IAH1: variants seen among roughly 807,000 people sequenced by gnomAD.
The protein encoded by IAH1 is isoamyl acetate hydrolyzing esterase 1 (putative), also known as isoamyl acetate-hydrolyzing esterase 1 homolog.
In IAH1, 24 loss-of-function variants were observed where a neutral mutation model predicts 26.7. That is an observed-to-expected ratio of 0.90 (90% CI 0.65 to 1.26). IAH1 has a LOEUF of 1.26. Among genes scored for constraint, IAH1 ranks in the 50% most tolerant of loss-of-function variants. IAH1 has a pLI of 0.00. For missense variants in IAH1, 300 were observed against 299.9 expected (o/e 1.00, Z 0.00); for synonymous variants, 140 against 118.5 (o/e 1.18, Z -1.18).
chr2:9,509,927 T>A, the IAH1 span: 1 of 1,601,706 alleles, frequency 6.2e-7, no homozygotes, highest in Non-Finnish European at 8.5e-7. Context: ...ATTATGATCA[T>A]TATACACAGC....
chr2:9,484,578 G>A lies in IAH1; in HGVS notation c.564+28G>A, dbSNP rs563022275. On this transcript the variant is annotated intron_variant, in intron 5 of 5. Transcript: ENST00000497473. Reference sequence around the variant, plus strand: ...ACGGTGGCTTGCTCGGTCCTCTCGGGGTAAATAGGATCACACAGAAGTAAA... The same window carrying A: ...ACGGTGGCTTGCTCGGTCCTCTCGGAGTAAATAGGATCACACAGAAGTAAA... 194 of 1,461,604 alleles carry A rather than the reference G, an allele frequency of 1.3e-4. 2 individuals carry two copies. In the South Asian group the frequency reaches 2.1e-3, roughly 16 times the overall value. The allele number at this position is 1,461,604 out of a possible 1,614,324, so 90.5% of individuals were successfully genotyped here. A position where few individuals can be genotyped will look rare whatever the true frequency, so the allele number is the denominator to read the frequency against.
chr2:9,481,502 ACT>A, intron 4 of IAH1, 55 bp downstream of exon 4: 1 of 1,568,364 alleles, frequency 6.4e-7, no homozygotes, highest in Non-Finnish European at 8.7e-7. Flanking sequence ...TGAGGGAGGA[ACT>A]CTGATAGGAC....
chr2:9,478,142 A>G, intron 2 of IAH1, 80 bp from the exon 3 acceptor site: 19 of 1,303,498 alleles, frequency 1.5e-5, no homozygotes, highest in Non-Finnish European at 2.0e-5. Context: ...CCCAGAGAGC[A>G]CACCCTCACT....
At chr2:9,511,255 C>G in the IAH1 span, among the ~76,000 whole-genome samples, 3 of 152,050 alleles carry the variant, frequency 2.0e-5, no homozygotes, top group South Asian at 6.2e-4. Flanking sequence ...TCGAGACCAG[C>G]CTGGCCAACA....
intron 4 of IAH1, 67 bp downstream of exon 4, chr2:9,481,514 C>T (rs546361297): frequency 1.9e-4 from 289 of 1,500,178 alleles, no homozygotes; most frequent in Non-Finnish European, 2.6e-4. Flanking sequence ...TCTGATAGGA[C>T]AGTGGTTTCC....
chr2:9,474,623 G>C lies in IAH1; in HGVS notation c.57G>C (p.Leu19Phe), dbSNP rs762377321. The C allele has an allele frequency of 1.9e-6, 3 of 1,554,860 alleles. No homozygotes were observed. ...CGSALLWPRL[L>F]LFGDSITQFS... ...GTGCCCTGCTCTGGCCTCGCTTGTT[G>C]CTCTTCGGGGACTCCATCACCCAGG... Residue 19 changes from leucine (L) to phenylalanine (F), a missense_variant, in exon 1 of 6, where the codon TTG becomes TTC. By Grantham distance (22) the Leu-to-Phe change is conservative. Coordinates refer to ENST00000497473, the MANE Select transcript of IAH1 (RefSeq NM_001039613.3). The surrounding 1 kb of genome is among the most constrained non-coding windows in gnomAD (Gnocchi z 4.3).
intron 2 of IAH1, among the ~76,000 whole-genome samples, chr2:9,477,569 G>T (rs1660887307): frequency 6.6e-6 from 1 of 151,894 alleles, no homozygotes; most frequent in Non-Finnish European, 1.5e-5. Context: ...CCTTAACTGG[G>T]ATTCTCCTCA....
downstream of IAH1, chr2:9,489,823 A>AC (rs1661960515): frequency 1.2e-5 from 2 of 166,960 alleles, no homozygotes; most frequent in African/African-American, 2.4e-5. Flanking sequence ...ATAAAAAAAA[A>AC]CTGATCATTT....
the IAH1 span, among the ~76,000 whole-genome samples, chr2:9,504,619 C>T: frequency 1.1e-4 from 17 of 150,700 alleles, no homozygotes; most frequent in Non-Finnish European, 2.1e-4. Flanking sequence ...AAAAATTAGC[C>T]GGGCATGGTG....
intron 3 of IAH1, among the ~76,000 whole-genome samples, chr2:9,479,579 T>A (rs1045915849): frequency 2.4e-4 from 37 of 152,134 alleles, no homozygotes; most frequent in African/African-American, 8.9e-4. Context: ...TATTTTGATT[T>A]TTTGACTCAG....
chr2:9,479,795 CTTTTTTTTTTTTTTTTTTTTT>C (rs5829216), intron 3 of IAH1, among the ~76,000 whole-genome samples: 3 of 69,848 alleles, frequency 4.3e-5, no homozygotes, highest in Non-Finnish European at 7.5e-5. Context: ...CTGTGTATTG[CTTTTTTTTTTTTTTTTTTTTT>C]TTTTTTTTTT....
At position 9,494,783 on chromosome 2, in the gene IAH1, C is replaced by T. The variant is rs762207985; in HGVS notation, c.*145C>T. The T allele has an allele frequency of 8.3e-5, 134 of 1,613,034 alleles. No homozygotes were observed. The highest frequency in any genetic ancestry group is 9.4e-5 in the Non-Finnish European group (111 of 1,179,402). ...TTGTCAGTTTCTGGAACAGAGAACA[C>T]GCATTGACAGCTGGATTGTTCTGAG... On this transcript the variant is annotated 3_prime_UTR_variant, in exon 6 of 7. Coordinates refer to the IAH1 transcript ENST00000481367.
At chr2:9,508,308 G>A in the IAH1 span, among the ~76,000 whole-genome samples, 6 of 152,086 alleles carry the variant, frequency 3.9e-5, no homozygotes, top group South Asian at 4.2e-4. Context: ...GAATGCCCCC[G>A]TGCCCCTCAC....
At chr2:9,481,553 C>T (rs1008996618) in intron 4 of IAH1, 106 bp downstream of exon 4, 34 of 1,034,192 alleles carry the variant, frequency 3.3e-5, no homozygotes, top group Non-Finnish European at 4.9e-5. Context: ...CTTAGGGGCT[C>T]GGTATGTCCA....
intron 4 of IAH1, among the ~76,000 whole-genome samples, chr2:9,483,048 G>C (rs900634779): frequency 1.3e-5 from 2 of 152,226 alleles, no homozygotes; most frequent in African/African-American, 4.8e-5. Context: ...ATGTTACATA[G>C]CATGGTCCAC....
At chr2:9,484,657 T>A in intron 5 of IAH1, 107 bp downstream of exon 5, 1 of 732,480 alleles carries the variant, frequency 1.4e-6, no homozygotes, top group Non-Finnish European at 2.4e-6. Flanking sequence ...GCTAAGACAG[T>A]CATCCCTTTA....
chr2:9,494,498 A>T, downstream of IAH1: 1 of 965,376 alleles, frequency 1.0e-6, no homozygotes, highest in South Asian at 1.7e-5. Flanking sequence ...CCTCCTAAGT[A>T]ATACCCGTAG....
At chr2:9,497,065 C>T, downstream of IAH1, 1 of 1,595,894 alleles carries the variant, frequency 6.3e-7, no homozygotes, top group South Asian at 1.1e-5. Context: ...GCCTGGCAGA[C>T]AAAGGCCATG....
intron 4 of IAH1, among the ~76,000 whole-genome samples, chr2:9,483,409 A>G (rs1314132261): frequency 6.6e-6 from 1 of 152,178 alleles, no homozygotes; most frequent in Non-Finnish European, 1.5e-5. Flanking sequence ...ATGCTCAGCT[A>G]ATTTTTTAAA....
Sources: gnomAD v4.1 joint callset for allele counts (sites outside exome capture counted in the v4.1 genomes callset) on GRCh38, gnomAD v4.1.1 for gene constraint, Gnocchi (gnomAD v3.1) non-coding constraint, MANE v1.5 for transcripts, NCBI Gene and HGNC (gene_info 2026-07-23, HGNC 2026-07-21) for gene names.